The following CBLL1 variants were observed in gnomAD, a reference collection of about 807,000 sequenced individuals.
CBLL1 encodes E3 ubiquitin-protein ligase Hakai.
Under a neutral mutation model 44.9 loss-of-function variants are expected in CBLL1, and 4 were observed. The observed-to-expected ratio is 0.09, with a 90% CI of 0.04 to 0.20. The LOEUF is 0.20. Ranked by LOEUF, CBLL1 falls within the 10% of genes least tolerant of loss-of-function variation. The pLI is 1.00. For synonymous variants in CBLL1, 235 were observed against 202.2 expected (o/e 1.16, Z -1.38); for missense variants, 569 against 636.7 (o/e 0.89, Z 1.14).
intron 5 of CBLL1, 162 bp downstream of exon 5, chr7:107,755,653 T>C: frequency 2.6e-6 from 1 of 392,110 alleles, no homozygotes; most frequent in African/African-American, 2.1e-5. Context: ...AGGTTTCTCT[T>C]TAATATAGGG....
At chr7:107,749,072 A>G in intron 2 of CBLL1, 25 bp downstream of exon 2, 1 of 1,608,816 alleles carries the variant, frequency 6.2e-7, no homozygotes, top group Non-Finnish European at 8.5e-7. Context: ...TAATAGGTCC[A>G]ACACTCTTTC....
chr7:107,754,261 A>G (rs1324816290), intron 4 of CBLL1: 1 of 180,856 alleles, frequency 5.5e-6, no homozygotes, highest in Non-Finnish European at 1.1e-5. Flanking sequence ...ATTCTAGTTT[A>G]TTAAGGAAAT....
chr7:107,757,856 G>C (rs1793599056), intron 5 of CBLL1, among the ~76,000 whole-genome samples: 1 of 152,002 alleles, frequency 6.6e-6, no homozygotes, highest in South Asian at 2.1e-4. Flanking sequence ...ACAATTGTTT[G>C]AGAAAACTGG....
rs1457795565 is a variant in CBLL1, at chr7:107,760,768, T to G, written c.*1590T>G. The G allele has an allele frequency of 5.3e-5, 8 of 152,350 alleles. No homozygotes were observed. The highest frequency in any genetic ancestry group is 3.3e-4 in the Admixed American group (5 of 15,300). The allele number at this position is 152,350 out of a possible 1,614,324, so 9.4% of individuals were successfully genotyped here. A position where few individuals can be genotyped will look rare whatever the true frequency, so the allele number is the denominator to read the frequency against. On this transcript the variant is annotated 3_prime_UTR_variant, in exon 6 of 6. Transcript: ENST00000440859. The stretch of plus-strand genomic sequence containing the variant: ...ATCTGATTGCTAATTTACCATTTTA[T>G]TCTGTCAGGTACAGGTGAAACAAAT...
intron 5 of CBLL1, among the ~76,000 whole-genome samples, chr7:107,756,252 A>C (rs1039138784): frequency 6.6e-6 from 1 of 152,146 alleles, no homozygotes; most frequent in African/African-American, 2.4e-5. Context: ...CCTGTGCTTA[A>C]AGCTATACCA....
At chr7:107,757,164 A>G (rs1015451860) in intron 5 of CBLL1, among the ~76,000 whole-genome samples, 2 of 152,152 alleles carry the variant, frequency 1.3e-5, no homozygotes, top group Non-Finnish European at 2.9e-5. Flanking sequence ...TTCAATGATA[A>G]TTGCTTATAT....
In CBLL1 at chr7:107,759,017, C is replaced by A; in HGVS notation, c.1315C>A (p.Leu439Met). 2.5e-6 allele frequency: 4 copies of A among 1,614,074 alleles called. No homozygotes were observed. The highest frequency in any genetic ancestry group is 3.4e-6 in the Non-Finnish European group (4 of 1,180,016). ...CCAGTTCACTGAAGATCAAGGAACTCTGAGCCCTCCATTTACACAACCAGG... is the reference window on the plus strand; with the variant it reads ...CCAGTTCACTGAAGATCAAGGAACTATGAGCCCTCCATTTACACAACCAGG... Reference protein sequence around the residue: ...LPQFTEDQGTLSPPFTQPGGM... With the variant: ...LPQFTEDQGTMSPPFTQPGGM... Residue 439 changes from leucine (L) to methionine (M), a missense_variant, in exon 6 of 6, where the codon CTG (leucine) becomes ATG (methionine). By Grantham distance (15) the Leu-to-Met change is conservative (BLOSUM62 2). Around this residue, in one of 5 missense-constraint regions of CBLL1, gnomAD observed 228 missense variants for 253.2 expected, o/e 0.90. Coordinates refer to ENST00000440859, the MANE Select transcript of CBLL1 (RefSeq NM_024814.4).
intron 2 of CBLL1, among the ~76,000 whole-genome samples, chr7:107,752,208 A>G (rs1172889976): frequency 6.6e-6 from 1 of 151,920 alleles, no homozygotes; most frequent in East Asian, 1.9e-4. Flanking sequence ...CAAAAAAAAA[A>G]AAAAAAAAGA....
chr7:107,751,410 T>C (rs139879486), intron 2 of CBLL1, among the ~76,000 whole-genome samples: 3 of 149,946 alleles, frequency 2.0e-5, no homozygotes, highest in African/African-American at 7.3e-5. Flanking sequence ...GTATTAAAAG[T>C]ATTTTTTTGT....
intron 5 of CBLL1, among the ~76,000 whole-genome samples, chr7:107,755,943 T>A (rs907167576): frequency 6.6e-6 from 1 of 151,946 alleles, no homozygotes; most frequent in African/African-American, 2.4e-5. Flanking sequence ...AAATGAGGTT[T>A]TATATATATA....
At position 107,744,189 on chromosome 7, in the gene CBLL1, A is replaced by C. The variant is rs1266217040; in HGVS notation, c.13+13A>C. On this transcript the variant is annotated intron_variant, in intron 1 of 5. Coordinates refer to ENST00000440859, the MANE Select transcript of CBLL1 (RefSeq NM_024814.4). ...ATGGATCACACTGGTAAGGAGGCGG[A>C]GGCAGTGGGGGTCCCGGTTCCAAGC... 2 of 1,548,568 alleles carry C rather than the reference A, an allele frequency of 1.3e-6. No individual in the cohort carries two copies. Among genetic ancestry groups the C allele is most frequent in the South Asian group, 2.4e-5 (2 of 83,734 alleles).
In CBLL1 at chr7:107,758,982, A is replaced by G; in HGVS notation, c.1280A>G (p.Asn427Ser). 6.2e-7 allele frequency: 1 copy of G among 1,613,298 alleles called. No homozygotes were observed. Among genetic ancestry groups the G allele is most frequent in the African/African-American group, 1.3e-5 (1 of 74,770 alleles). The change falls in exon 6 of 6, where the codon AAC becomes AGC. Residue 427 changes from asparagine (N) to serine (S), a missense_variant. By Grantham distance (46) the Asn-to-Ser change is conservative (BLOSUM62 1). Coordinates refer to ENST00000440859, the MANE Select transcript of CBLL1 (RefSeq NM_024814.4). This position sits in a 1 kb window ranked among gnomAD's most constrained non-coding sequence, Gnocchi z 4.2. ...TAPPPHHYNP[N>S]SLPQFTEDQG... is the part of the protein sequence containing the mutation. ...CCCCCTCCTCACCATTATAATCCTA[A>G]CTCATTACCCCAGTTCACTGAAGAT... is the stretch of plus-strand genomic sequence containing the variant.
At chr7:107,754,054 T>G in intron 4 of CBLL1, 76 bp downstream of exon 4, 1 of 880,158 alleles carries the variant, frequency 1.1e-6, no homozygotes. Context: ...GATAGGTTTA[T>G]CATTGTTTAA....
In CBLL1 at chr7:107,753,445, C is replaced by G; in HGVS notation, c.216C>G (p.Asp72Glu). 6.3e-7 allele frequency: 1 copy of G among 1,588,808 alleles called. No individual in the cohort carries two copies. Among genetic ancestry groups the G allele is most frequent in the Admixed American group, 1.8e-5 (1 of 54,828 alleles). ...ATTATAATGAAGAAGAACGGTATGACTGTAAAGGGGGTGAGCTGTTTGCAA... is the reference window on the plus strand; with the variant it reads ...ATTATAATGAAGAAGAACGGTATGAGTGTAAAGGGGGTGAGCTGTTTGCAA... ...GFDYNEEERY[D>E]CKGGELFANQ... is the part of the protein sequence containing the mutation. Residue 72 changes from aspartate to glutamate, a missense_variant, in exon 3 of 6, where the codon GAC becomes GAG. Asp to Glu is a conservative substitution (Grantham distance 45, BLOSUM62 2). This residue lies in a region of CBLL1 where 209 missense variants were observed against 202.8 expected (regional missense o/e 1.03). Transcript: ENST00000440859.
At chr7:107,754,068 C>T in intron 4 of CBLL1, 90 bp downstream of exon 4, 1 of 647,938 alleles carries the variant, frequency 1.5e-6, no homozygotes, top group Non-Finnish European at 2.5e-6. Context: ...TGTTTAATGA[C>T]TAAGTTTGCA....
In CBLL1 at chr7:107,759,231, A is replaced by G. The variant is rs1793667224; in HGVS notation, c.*53A>G. 2.2e-5 allele frequency: 32 copies of G among 1,464,506 alleles called. No individual in the cohort carries two copies. Among genetic ancestry groups the G allele is most frequent in the Non-Finnish European group, 2.9e-5 (31 of 1,087,248 alleles). The allele number at this position is 1,464,506 out of a possible 1,614,324, so 90.7% of individuals were successfully genotyped here. ...GGGGGAAAAAAACTTATGTGTAGTC[A>G]ATCTTTTAAGCTTTGACTGTTTTGG... is the stretch of plus-strand genomic sequence containing the variant. On this transcript the variant is annotated 3_prime_UTR_variant, in exon 6 of 6. Coordinates refer to ENST00000440859, the MANE Select transcript of CBLL1 (RefSeq NM_024814.4).
intron 2 of CBLL1, chr7:107,752,534 C>A: frequency 3.1e-6 from 4 of 1,287,794 alleles, no homozygotes; most frequent in Non-Finnish European, 4.1e-6. Context: ...CTTGGCTACT[C>A]TGTTTACCAG....
rs746971001 is a variant in CBLL1, at chr7:107,758,896, T to C, written c.1194T>C (p.Tyr398=). The change falls in exon 6 of 6, where the codon TAT becomes TAC. Residue 398 remains tyrosine (Y), a synonymous_variant. Coordinates refer to ENST00000440859, the MANE Select transcript of CBLL1 (RefSeq NM_024814.4). The surrounding 1 kb of genome is among the most constrained non-coding windows in gnomAD (Gnocchi z 4.2). ...ATATTATTGCCCAGATGCCACCTTA[T>C]ATGAATCATCCTCCTCCAGGACCTC... The part of the protein sequence containing the change: ...PGHIIAQMPP[Y]MNHPPPGPPP... 9 of 1,613,864 alleles carry C rather than the reference T, an allele frequency of 5.6e-6. No individual in the cohort carries two copies. Among genetic ancestry groups the C allele is most frequent in the Admixed American group, 5.0e-5 (3 of 59,980 alleles).
At chr7:107,744,217 C>T (rs762074182) in intron 1 of CBLL1, 41 bp downstream of exon 1, 2 of 1,532,334 alleles carry the variant, frequency 1.3e-6, no homozygotes, top group Non-Finnish European at 1.8e-6. Flanking sequence ...TTCCAAGCCC[C>T]CTTGGCCGGC....
Sources: allele counts gnomAD v4.1 joint callset (sites outside exome capture counted in the v4.1 genomes callset), GRCh38; gene constraint gnomAD v4.1.1; regional missense constraint gnomAD v4.1.1; non-coding constraint Gnocchi (gnomAD v3.1); transcripts MANE v1.5; gene names NCBI Gene and HGNC (gene_info 2026-07-23, HGNC 2026-07-21).